The following LRP2BP variants were observed in gnomAD, a reference collection of about 807,000 sequenced individuals.
LRP2BP encodes the protein LRP2 binding protein, also known as LRP2-binding protein.
A neutral mutation model predicts 45.2 loss-of-function variants in LRP2BP; 38 were observed. That is an observed-to-expected ratio of 0.84 (90% CI 0.65 to 1.10). LRP2BP has a LOEUF of 1.10. Ranked by LOEUF, LRP2BP falls within the 50% of genes least tolerant of loss-of-function variation. LRP2BP has a pLI of 0.00. For synonymous variants in LRP2BP, 153 were observed against 153.9 expected (o/e 0.99, Z 0.04); for missense variants, 385 against 418.9 (o/e 0.92, Z 0.71).
At position 185,378,944 on chromosome 4, in the gene LRP2BP, TAG is replaced by T. The variant is rs776049588; in HGVS notation, c.-21-739_-21-738del. ...CCTGATTGGTGGTCAAGAGAAGAAA[TAG>T]AGAGACCCTTAGTGTGATTGGAAAG... On this transcript the variant is annotated intron_variant, in intron 1 of 8. Coordinates refer to ENST00000505916, the MANE Select transcript of LRP2BP (RefSeq NM_001377440.1). 4.1e-6 allele frequency: 4 copies of T among 985,352 alleles called. No homozygotes were observed. The East Asian group carries it at 4.5e-4, about 112-fold the overall frequency. The allele number at this position is 985,352 out of a possible 1,614,324, so 61.0% of individuals were successfully genotyped here.
chr4:185,382,125 T>A (rs1320277310), intron 1 of LRP2BP, among the ~76,000 whole-genome samples: 4 of 152,198 alleles, frequency 2.6e-5, no homozygotes, highest in African/African-American at 9.6e-5. Flanking sequence ...TCATAGAATA[T>A]GTGGCCTTTT....
At chr4:185,396,692 T>C, upstream of LRP2BP, 1 of 550,638 alleles carries the variant, frequency 1.8e-6, no homozygotes, top group Non-Finnish European at 3.2e-6. Context: ...GTGCCAGTGT[T>C]TGTGTACGTG....
At chr4:185,383,091 C>T (rs1440652087) in intron 1 of LRP2BP, among the ~76,000 whole-genome samples, 1 of 152,192 alleles carries the variant, frequency 6.6e-6, no homozygotes, top group Non-Finnish European at 1.5e-5. Context: ...ATTTGTTATA[C>T]TTTCACCTCA....
intron 1 of LRP2BP, among the ~76,000 whole-genome samples, chr4:185,388,288 CCAT>C (rs2095477502): frequency 6.6e-6 from 1 of 152,016 alleles, no homozygotes; most frequent in Non-Finnish European, 1.5e-5. Flanking sequence ...AGGGACAAGT[CCAT>C]CAAGTCTGCT....
At chr4:185,384,135 CG>C (rs1342850078) in intron 1 of LRP2BP, among the ~76,000 whole-genome samples, 1 of 152,028 alleles carries the variant, frequency 6.6e-6, no homozygotes, top group Non-Finnish European at 1.5e-5. Flanking sequence ...TGGGGAGTGA[CG>C]GGAGGGTTCT....
intron 1 of LRP2BP, among the ~76,000 whole-genome samples, chr4:185,384,964 T>TC (rs1000858836): frequency 5.3e-5 from 8 of 151,224 alleles, no homozygotes; most frequent in Non-Finnish European, 1.2e-4. Flanking sequence ...AGTGCTTTTT[T>TC]CCCACCCCTT....
intron 1 of LRP2BP, among the ~76,000 whole-genome samples, chr4:185,388,231 C>T (rs1473763679): frequency 2.0e-5 from 3 of 152,158 alleles, no homozygotes; most frequent in Non-Finnish European, 2.9e-5. Context: ...GTGAGAGCAG[C>T]GCAGTGGTCT....
chr4:185,395,027 T>C lies in LRP2BP; in HGVS notation c.-270A>G, dbSNP rs1276578099. 3 of 985,360 alleles carry C rather than the reference T, an allele frequency of 3.0e-6. No individual in the cohort carries two copies. The African/African-American group carries it at 5.2e-5, about 17-fold the overall frequency. 61.0% of individuals were successfully genotyped at this position (985,360 alleles called of 1,614,324 possible). On this transcript the variant is annotated 5_prime_UTR_variant, in exon 1 of 9. Transcript: ENST00000505916. The stretch of plus-strand genomic sequence containing the variant: ...TCCTGTTTTTGTGCATTATAAGCTT[T>C]GTTCAGTTTATAGTTTCTAGGCCCA...
At chr4:185,387,137 C>G (rs1163261183) in intron 1 of LRP2BP, among the ~76,000 whole-genome samples, 1 of 150,410 alleles carries the variant, frequency 6.6e-6, no homozygotes, top group Non-Finnish European at 1.5e-5. Context: ...CCCAGCTACT[C>G]GGGAGCCTGA....
intron 1 of LRP2BP, among the ~76,000 whole-genome samples, chr4:185,392,966 C>T (rs192290561): frequency 5.4e-4 from 82 of 152,354 alleles, no homozygotes; most frequent in African/African-American, 1.9e-3. Flanking sequence ...TGAGGCCTCA[C>T]TCGGTCACCC....
intron 1 of LRP2BP, among the ~76,000 whole-genome samples, chr4:185,392,414 T>G (rs564471372): frequency 3.3e-5 from 5 of 152,186 alleles, no homozygotes; most frequent in South Asian, 2.1e-4. Flanking sequence ...ACTATCCAAT[T>G]TATCATCTTC....
At chr4:185,379,871 A>G (rs1247336199) in intron 1 of LRP2BP, among the ~76,000 whole-genome samples, 1 of 152,134 alleles carries the variant, frequency 6.6e-6, no homozygotes, top group Non-Finnish European at 1.5e-5. Context: ...AGGCTAGAAG[A>G]GTGCATTGGT....
chr4:185,384,082 G>A (rs2095463317), intron 1 of LRP2BP, among the ~76,000 whole-genome samples: 1 of 152,132 alleles, frequency 6.6e-6, no homozygotes, highest in African/African-American at 2.4e-5. Context: ...TTCACATGTT[G>A]AAACTTAACC....
chr4:185,390,870 A>G (rs2095486601), intron 1 of LRP2BP: 1 of 152,240 alleles, frequency 6.6e-6, no homozygotes, highest in African/African-American at 2.4e-5. Flanking sequence ...AGTGTCCCTC[A>G]GTGTCCCCCA....
chr4:185,391,244 G>A (rs984971780), intron 1 of LRP2BP, among the ~76,000 whole-genome samples: 1 of 152,290 alleles, frequency 6.6e-6, no homozygotes, highest in South Asian at 2.1e-4. Flanking sequence ...TCATCACATC[G>A]TGTCAACAAT....
At chr4:185,380,798 T>G (rs768124633) in intron 1 of LRP2BP, among the ~76,000 whole-genome samples, 10 of 152,268 alleles carry the variant, frequency 6.6e-5, no homozygotes, top group Non-Finnish European at 1.5e-4. Flanking sequence ...GACCTTCTCC[T>G]CATGTCTCTT....
intron 1 of LRP2BP, among the ~76,000 whole-genome samples, chr4:185,392,197 A>AAAT (rs1168203307): frequency 6.6e-6 from 1 of 152,230 alleles, no homozygotes; most frequent in African/African-American, 2.4e-5. Flanking sequence ...CCAGGAGGAG[A>AAAT]AATAACAAAA....
Position 185,374,166 on chromosome 4 carries a change from T to C in LRP2BP, c.548A>G (p.Tyr183Cys). Residue 183 changes from tyrosine to cysteine, a missense_variant, in exon 6 of 9, where the codon TAC becomes TGC. Transcript: ENST00000505916. ...VKAQSMLGLY[Y>C]STKEPKELEK... ...TAACTCCTTGGGCTCCTTGGTTGAG[T>C]AATACAGCCCGAGCATACTTTGAGC... 1 of 1,614,132 alleles carries C rather than the reference T, an allele frequency of 6.2e-7. No homozygotes were observed. The highest frequency in any genetic ancestry group is 1.3e-5 in the African/African-American group (1 of 75,018).
In LRP2BP at chr4:185,395,598, T is replaced by C. The variant is rs2095499896; in HGVS notation, c.-841A>G. The C allele has an allele frequency of 1.0e-6, 1 of 979,894 alleles. No homozygotes were observed. The highest frequency in any genetic ancestry group is 1.2e-6 in the Non-Finnish European group (1 of 824,870). The allele number at this position is 979,894 out of a possible 1,614,324, so 60.7% of individuals were successfully genotyped here. A position where few individuals can be genotyped will look rare whatever the true frequency, so the allele number is the denominator to read the frequency against. On this transcript the variant is annotated 5_prime_UTR_variant, in exon 1 of 9. Transcript: ENST00000505916. ...TGGAATATAAGAACGATTCTATATA[T>C]TTGAACACACATTTATATTCAAATA...
Sources: gnomAD v4.1 joint callset for allele counts (sites outside exome capture counted in the v4.1 genomes callset) on GRCh38, gnomAD v4.1.1 for gene constraint, MANE v1.5 for transcripts, NCBI Gene and HGNC (gene_info 2026-07-23, HGNC 2026-07-21) for gene names.